Variants in ZNF536 observed in about 807,000 individuals in gnomAD.
The protein encoded by ZNF536 is zinc finger protein 536.
ZNF536 carries 13 observed loss-of-function variants against 84.5 expected under a neutral mutation model. The observed-to-expected ratio is 0.15, with a 90% CI of 0.10 to 0.24. The LOEUF is 0.24. ZNF536 is among the 10% of genes least tolerant of loss of function. The probability of loss-of-function intolerance (pLI) is 1.00; values close to 1 mark genes in which losing one functional copy is unlikely to be tolerated. For synonymous variants in ZNF536, 811 were observed against 742.5 expected (o/e 1.09, Z -1.50); for missense variants, 1,536 against 1,747.5 (o/e 0.88, Z 2.16).
intron 4 of ZNF536, chr19:30,554,572 G>C (rs756057150): frequency 6.6e-6 from 1 of 152,042 alleles, no homozygotes; most frequent in South Asian, 2.1e-4. Context: ...ACCCTTTTAC[G>C]AGCTACTCAG....
At chr19:30,234,773 ACG>A (rs1491175526) in intron 1 of ZNF536, among the ~76,000 whole-genome samples, 6 of 149,884 alleles carry the variant, frequency 4.0e-5, no homozygotes, top group South Asian at 2.1e-4. Context: ...ACACACACAC[ACG>A]CGCACACGCA....
chr19:30,614,875 A>T (rs943939420), intron 1 of ZNF536, among the ~76,000 whole-genome samples: 1 of 146,098 alleles, frequency 6.8e-6, no homozygotes, highest in South Asian at 2.2e-4. Flanking sequence ...ACGTTATGGC[A>T]TCTATGACGT....
intron 1 of ZNF536, among the ~76,000 whole-genome samples, chr19:30,264,711 A>G (rs2025409991): frequency 1.3e-5 from 2 of 152,134 alleles, no homozygotes; most frequent in African/African-American, 2.4e-5. Context: ...AAGTTTAACA[A>G]AAGAGTCGCT....
chr19:30,429,514 C>T (rs1181195578), intron 1 of ZNF536, among the ~76,000 whole-genome samples: 1 of 152,096 alleles, frequency 6.6e-6, no homozygotes, highest in African/African-American at 2.4e-5. Flanking sequence ...TCAGCTCACC[C>T]CAAAGGCCTC....
Position 30,340,903 on chromosome 19 carries a change from T to C in ZNF536, c.-119-11465T>C, listed in dbSNP as rs376583455. On this transcript the variant is annotated intron_variant, in intron 2 of 5. Coordinates refer to the ZNF536 transcript ENST00000585628. ...TTGCAACAGGCATCGTGTGTGTGTT[T>C]TATGTCCCTTCTCTTCTGCTGCTGT... 2.0e-5 allele frequency among the ~76,000 whole-genome samples: 3 copies of C among 152,138 alleles called. No homozygotes were observed. In the East Asian group the frequency reaches 5.8e-4, roughly 29 times the overall value.
At chr19:30,514,543 C>T (rs2055554090) in intron 2 of ZNF536, among the ~76,000 whole-genome samples, 1 of 151,946 alleles carries the variant, frequency 6.6e-6, no homozygotes, top group Non-Finnish European at 1.5e-5. Flanking sequence ...GACGGGAAGA[C>T]CCAGTGTCCC....
At chr19:30,657,588 C>G (rs59693088) in intron 1 of ZNF536, among the ~76,000 whole-genome samples, 1 of 152,214 alleles carries the variant, frequency 6.6e-6, no homozygotes, top group Non-Finnish European at 1.5e-5. Context: ...TCTCTTCCCC[C>G]TGCACTCTCT....
intron 1 of ZNF536, among the ~76,000 whole-genome samples, chr19:30,392,574 C>T (rs2049642740): frequency 1.3e-5 from 2 of 152,200 alleles, no homozygotes; most frequent in Non-Finnish European, 2.9e-5. Flanking sequence ...TTTTCTGAGC[C>T]AGTCCTCCTT....
At chr19:30,710,069 TTCA>T (rs1255542244) in intron 1 of ZNF536, among the ~76,000 whole-genome samples, 3 of 152,242 alleles carry the variant, frequency 2.0e-5, no homozygotes, top group Non-Finnish European at 4.4e-5. Context: ...AGTTTTGAAT[TTCA>T]TCAATAAAAA....
At chr19:30,432,669 G>A (rs1435183029) in intron 1 of ZNF536, among the ~76,000 whole-genome samples, 6 of 152,168 alleles carry the variant, frequency 3.9e-5, no homozygotes, top group East Asian at 3.8e-4. Flanking sequence ...TTGACCTTCC[G>A]ATGTTTGGTT....
At chr19:30,273,666 A>G (rs1366712441) in intron 1 of ZNF536, among the ~76,000 whole-genome samples, 3 of 152,166 alleles carry the variant, frequency 2.0e-5, no homozygotes, top group Non-Finnish European at 4.4e-5. Flanking sequence ...TTTTGCAAAA[A>G]CTTTCTCCAA....
chr19:30,256,396 C>A, intron 1 of ZNF536, among the ~76,000 whole-genome samples: 1 of 152,252 alleles, frequency 6.6e-6, no homozygotes, highest in African/African-American at 2.4e-5. Context: ...TTTACGAGCC[C>A]GGTTTGCTAT....
At chr19:30,558,761 T>C (rs995212370), downstream of ZNF536, among the ~76,000 whole-genome samples, 1 of 152,192 alleles carries the variant, frequency 6.6e-6, no homozygotes, top group Non-Finnish European at 1.5e-5. Context: ...CAAGCTTCTT[T>C]GCTTGGATGT....
chr19:30,576,747 C>T (rs4239561), intron 1 of ZNF536, among the ~76,000 whole-genome samples: 35,386 of 152,164 alleles, frequency 0.23, 4,566 homozygotes, highest in Non-Finnish European at 0.29. Context: ...TGCAAATCCA[C>T]CTGGTCCACG....
At chr19:30,568,396 A>G (rs1338153751) in intron 1 of ZNF536, among the ~76,000 whole-genome samples, 1 of 152,200 alleles carries the variant, frequency 6.6e-6, no homozygotes, top group Admixed American at 6.5e-5. Context: ...AAAGAGGAGT[A>G]TATTTATTAA....
At chr19:30,286,979 T>C (rs940616263) in intron 2 of ZNF536, among the ~76,000 whole-genome samples, 6 of 152,234 alleles carry the variant, frequency 3.9e-5, no homozygotes, top group Admixed American at 2.0e-4. Flanking sequence ...ACCTTTGTGT[T>C]AGGAAGATTT....
intron 1 of ZNF536, among the ~76,000 whole-genome samples, chr19:30,610,915 T>C (rs1171570087): frequency 6.6e-6 from 1 of 152,182 alleles, no homozygotes; most frequent in East Asian, 1.9e-4. Flanking sequence ...CATTGTTTCT[T>C]GAAGAAGCTC....
chr19:30,423,960 G>A (rs776525876), intron 1 of ZNF536, among the ~76,000 whole-genome samples: 2 of 152,166 alleles, frequency 1.3e-5, no homozygotes, highest in African/African-American at 2.4e-5. Flanking sequence ...AAAAAGACAG[G>A]GGGCAAGTTT....
intron 4 of ZNF536, chr19:30,553,833 A>C (rs569951646): frequency 1.3e-5 from 2 of 152,374 alleles, no homozygotes; most frequent in East Asian, 3.9e-4. Flanking sequence ...CCTTCTGTAA[A>C]ATAAACATGA....
Sources: gnomAD v4.1 joint callset for allele counts (sites outside exome capture counted in the v4.1 genomes callset) on GRCh38, gnomAD v4.1.1 for gene constraint, MANE v1.5 for transcripts, NCBI Gene and HGNC (gene_info 2026-07-23, HGNC 2026-07-21) for gene names.